The following TYW1B variants were observed in gnomAD, a reference collection of about 807,000 sequenced individuals.
TYW1B encodes S-adenosyl-L-methionine-dependent tRNA 4-demethylwyosine synthase TYW1B.
In TYW1B, 73 loss-of-function variants were observed where a neutral mutation model predicts 86.9. The observed-to-expected ratio is 0.84, with a 90% CI of 0.70 to 1.02. The LOEUF is 1.02. Among genes scored for constraint, TYW1B ranks in the 50% least tolerant of loss-of-function variants. The probability of loss-of-function intolerance (pLI) is 0.00; values close to 1 mark genes in which losing one functional copy is unlikely to be tolerated. For missense variants in TYW1B, 637 were observed against 827.4 expected (o/e 0.77, Z 2.82); for synonymous variants, 248 against 292.8 (o/e 0.85, Z 1.56).
intron 7 of TYW1B, among the ~76,000 whole-genome samples, chr7:72,747,857 T>A (rs1554464106): frequency 2.0e-5 from 3 of 152,252 alleles, no homozygotes; most frequent in Non-Finnish European, 2.9e-5. Flanking sequence ...TCAGCATTTT[T>A]AAAATTTTCA....
intron 7 of TYW1B, among the ~76,000 whole-genome samples, chr7:72,753,639 C>G (rs554197932): frequency 8.9e-4 from 135 of 151,992 alleles, no homozygotes; most frequent in African/African-American, 3.1e-3. Flanking sequence ...TGCCACCACG[C>G]CTGGCTAATT....
Position 72,736,252 on chromosome 7 carries a change from A to T in TYW1B, c.1083-7321T>A, listed in dbSNP as rs568070716. The stretch of plus-strand genomic sequence containing the variant: ...AAAGGCAGAGAACAAAGGAAGGAGG[A>T]AGTAACTTGTGGAATGCTCAGAAAG... On this transcript the variant is annotated intron_variant, in intron 8 of 13. Transcript: ENST00000620995. Among the ~76,000 whole-genome samples the T allele has an allele frequency of 2.6e-5, 4 of 152,330 alleles. No homozygotes were observed. In the South Asian group the frequency reaches 8.3e-4, roughly 32 times the overall value.
intron 9 of TYW1B, 113 bp downstream of exon 9, chr7:72,728,709 A>G: frequency 9.7e-7 from 1 of 1,028,140 alleles, no homozygotes; most frequent in Non-Finnish European, 1.4e-6. Flanking sequence ...TCACTTCCTT[A>G]GAGGAAAATT....
chr7:72,787,064 T>C (rs1554472585), intron 6 of TYW1B, among the ~76,000 whole-genome samples: 1 of 151,928 alleles, frequency 6.6e-6, no homozygotes, highest in Non-Finnish European at 1.5e-5. Context: ...TAGGAAAACA[T>C]TCATACATTT....
At position 72,574,807 on chromosome 7, in the gene TYW1B, C is replaced by G. The variant is rs2067240442; in HGVS notation, c.*691G>C. ...ATGACTCCATGCCCTCACATGGCCA[C>G]TCCTCTTACAGCAGACAGCTTCACT... is the stretch of plus-strand genomic sequence containing the variant. On this transcript the variant is annotated 3_prime_UTR_variant, in exon 14 of 14. Coordinates refer to ENST00000620995, the MANE Select transcript of TYW1B (RefSeq NM_001145440.3). The G allele has an allele frequency of 2.0e-6, 2 of 985,242 alleles. No homozygotes were observed. The highest frequency in any genetic ancestry group is 1.2e-4 in the Admixed American group (2 of 16,226). 61.0% of individuals were successfully genotyped at this position (985,242 alleles called of 1,614,324 possible).
At chr7:72,740,947 G>T (rs1326506478) in intron 8 of TYW1B, among the ~76,000 whole-genome samples, 1 of 151,890 alleles carries the variant, frequency 6.6e-6, no homozygotes, top group Non-Finnish European at 1.5e-5. Context: ...AGCCAGGATG[G>T]TCTCAATCTC....
chr7:72,700,682 T>C (rs1378673712), intron 10 of TYW1B, among the ~76,000 whole-genome samples: 6 of 152,168 alleles, frequency 3.9e-5, no homozygotes, highest in Non-Finnish European at 1.5e-5. Flanking sequence ...ATAAATATGT[T>C]GGCATGCCTG....
chr7:72,625,896 C>CGG (rs71876528), intron 12 of TYW1B, among the ~76,000 whole-genome samples: 5,768 of 70,686 alleles, frequency 0.082, 112 homozygotes, highest in East Asian at 0.26. Context: ...AGAGGTGGGG[C>CGG]GGGGGGGGGG....
chr7:72,723,657 C>T (rs1342239432), intron 9 of TYW1B, among the ~76,000 whole-genome samples: 2 of 151,974 alleles, frequency 1.3e-5, no homozygotes, highest in Admixed American at 1.3e-4. Flanking sequence ...GCCTGTAATC[C>T]CAGATATTTG....
chr7:72,642,917 T>C (rs1331191540), intron 11 of TYW1B, among the ~76,000 whole-genome samples: 2 of 152,096 alleles, frequency 1.3e-5, no homozygotes, highest in African/African-American at 2.4e-5. Flanking sequence ...AAAGATGAAG[T>C]TCTGATTCAT....
intron 11 of TYW1B, among the ~76,000 whole-genome samples, chr7:72,680,609 C>A (rs1813851339): frequency 6.6e-6 from 1 of 152,164 alleles, no homozygotes; most frequent in Non-Finnish European, 1.5e-5. Flanking sequence ...TGTGGGACTT[C>A]ACCTTGTGAT....
At chr7:72,815,594 A>G in intron 2 of TYW1B, 113 bp from the exon 3 acceptor site, 1 of 899,120 alleles carries the variant, frequency 1.1e-6, no homozygotes, top group East Asian at 2.7e-5. Context: ...GTTTTCAGTG[A>G]CTGATATGAA....
At chr7:72,676,821 G>A (rs1464280812) in intron 11 of TYW1B, among the ~76,000 whole-genome samples, 1 of 152,104 alleles carries the variant, frequency 6.6e-6, no homozygotes, top group Non-Finnish European at 1.5e-5. Flanking sequence ...TAGCCAGTGT[G>A]GTGGCATGTG....
At chr7:72,583,345 G>A (rs1367989494) in intron 13 of TYW1B, among the ~76,000 whole-genome samples, 12 of 152,084 alleles carry the variant, frequency 7.9e-5, no homozygotes, top group East Asian at 3.9e-4. Context: ...GCAAGACTCC[G>A]CCTCAAAAAA....
chr7:72,796,524 C>A (rs1788307830), intron 6 of TYW1B, among the ~76,000 whole-genome samples: 1 of 151,874 alleles, frequency 6.6e-6, no homozygotes, highest in South Asian at 2.1e-4. Context: ...GCATGAGCCA[C>A]CGCGCCAGGC....
chr7:72,794,995 T>C (rs1298856131), intron 6 of TYW1B, among the ~76,000 whole-genome samples: 1 of 151,944 alleles, frequency 6.6e-6, no homozygotes, highest in Non-Finnish European at 1.5e-5. Flanking sequence ...TGTTTTTGTA[T>C]TTTTGGTAGA....
intron 8 of TYW1B, among the ~76,000 whole-genome samples, chr7:72,730,950 T>C (rs1313638059): frequency 2.2e-5 from 3 of 135,356 alleles, no homozygotes; most frequent in East Asian, 2.2e-4. Flanking sequence ...AAAAAAAGCC[T>C]CCTTGAGACA....
At chr7:72,740,262 T>C (rs1460997673) in intron 8 of TYW1B, among the ~76,000 whole-genome samples, 2 of 151,546 alleles carry the variant, frequency 1.3e-5, no homozygotes, top group Admixed American at 6.6e-5. Context: ...TAGCCAGGTG[T>C]AGTAGCACAC....
chr7:72,627,976 T>C (rs574550450), intron 12 of TYW1B, among the ~76,000 whole-genome samples: 146 of 152,052 alleles, frequency 9.6e-4, no homozygotes, highest in African/African-American at 3.4e-3. Context: ...ATGAGCCCAG[T>C]ACTCTGAATA....
Sources: gnomAD v4.1 joint callset for allele counts (sites outside exome capture counted in the v4.1 genomes callset) on GRCh38, gnomAD v4.1.1 for gene constraint, MANE v1.5 for transcripts, NCBI Gene and HGNC (gene_info 2026-07-23, HGNC 2026-07-21) for gene names.